Variants in FRMD4A observed in about 807,000 individuals in gnomAD.
FRMD4A encodes FERM domain containing 4A.
Under a neutral mutation model 129.1 loss-of-function variants are expected in FRMD4A, and 29 were observed. The observed-to-expected ratio is 0.22, with a 90% CI of 0.17 to 0.31. The LOEUF (loss-of-function observed/expected upper bound fraction) is 0.31, where lower values mean the gene tolerates loss of function less well. Among genes scored for constraint, FRMD4A ranks in the 10% least tolerant of loss-of-function variants. FRMD4A has a pLI of 1.00. For synonymous variants in FRMD4A, 634 were observed against 571.6 expected, an observed-to-expected ratio of 1.11 and a Z score of -1.56; for missense variants, 1,272 against 1,375.8, an observed-to-expected ratio of 0.92 and a Z score of 1.19.
At chr10:14,091,421 T>A (rs1250019563) in intron 2 of FRMD4A, among the ~76,000 whole-genome samples, 1 of 151,702 alleles carries the variant, frequency 6.6e-6, no homozygotes, top group Non-Finnish European at 1.5e-5. Flanking sequence ...CATTCTTAGT[T>A]TTTTGGTTTT....
intron 2 of FRMD4A, among the ~76,000 whole-genome samples, chr10:14,256,024 TTTG>T (rs1428340663): frequency 7.0e-6 from 1 of 142,074 alleles, no homozygotes; most frequent in East Asian, 2.0e-4. Context: ...AAAAAAAAAA[TTTG>T]TTGCCAAAAG....
intron 2 of FRMD4A, among the ~76,000 whole-genome samples, chr10:14,220,335 A>G (rs1843207445): frequency 6.6e-6 from 1 of 152,192 alleles, no homozygotes; most frequent in Non-Finnish European, 1.5e-5. Flanking sequence ...CAATATGACT[A>G]ATTTGTCATG....
intron 13 of FRMD4A, among the ~76,000 whole-genome samples, chr10:13,702,860 T>C (rs568653328): frequency 6.7e-6 from 1 of 149,244 alleles, no homozygotes; most frequent in African/African-American, 2.5e-5. Context: ...CGGTGGTTAA[T>C]GTTACTGAGT....
At chr10:13,887,316 ACTTCCAT>A (rs1396217569) in intron 2 of FRMD4A, among the ~76,000 whole-genome samples, 3 of 152,196 alleles carry the variant, frequency 2.0e-5, no homozygotes, top group Admixed American at 1.3e-4. Flanking sequence ...CTTAGCAGTG[ACTTCCAT>A]CTTCAAGTGG....
intron 2 of FRMD4A, among the ~76,000 whole-genome samples, chr10:13,946,028 T>C (rs1018043497): frequency 6.6e-6 from 1 of 152,186 alleles, no homozygotes; most frequent in African/African-American, 2.4e-5. Flanking sequence ...AGCACGTAGT[T>C]AGGGAAGTAA....
At chr10:13,762,546 G>T in intron 7 of FRMD4A, 78 bp downstream of exon 7, 1 of 821,610 alleles carries the variant, frequency 1.2e-6, no homozygotes, top group Non-Finnish European at 2.1e-6. Context: ...TACAGCTACT[G>T]GCTATGCCTG....
In FRMD4A at chr10:13,782,902, G is replaced by C. The variant is rs750976357; in HGVS notation, c.384+20C>G. 2.9e-5 allele frequency: 32 copies of C among 1,094,540 alleles called. No homozygotes were observed. Among genetic ancestry groups the C allele is most frequent in the Non-Finnish European group, 4.5e-5 (32 of 705,168 alleles). 67.8% of individuals were successfully genotyped at this position (1,094,540 alleles called of 1,614,324 possible). On this transcript the variant is annotated intron_variant, in intron 6 of 24. Coordinates refer to ENST00000357447, the MANE Select transcript of FRMD4A (RefSeq NM_018027.5). ...TACTTTCAGGTTTCAGAGGGAAATTGAGGGAGAGGGAGTTCCTACCTTGTA... is the reference window on the plus strand; with the variant it reads ...TACTTTCAGGTTTCAGAGGGAAATTCAGGGAGAGGGAGTTCCTACCTTGTA...
At chr10:14,294,907 T>A (rs564535524) in intron 2 of FRMD4A, among the ~76,000 whole-genome samples, 1 of 152,300 alleles carries the variant, frequency 6.6e-6, no homozygotes, top group South Asian at 2.1e-4. Flanking sequence ...CACGTCTCCT[T>A]TACAGTCTCA....
chr10:13,928,264 C>T (rs898549670), intron 2 of FRMD4A, among the ~76,000 whole-genome samples: 9 of 152,018 alleles, frequency 5.9e-5, no homozygotes, highest in South Asian at 2.1e-4. Context: ...TCAAGCAATC[C>T]GCTCACCTCG....
At chr10:14,014,117 C>T (rs560870678) in intron 2 of FRMD4A, among the ~76,000 whole-genome samples, 150 of 152,196 alleles carry the variant, frequency 9.9e-4, no homozygotes, top group African/African-American at 3.4e-3. Context: ...GAGACACACA[C>T]CCATGGTTCC....
Position 14,156,317 on chromosome 10 carries a change from T to A in FRMD4A, c.45+173741A>T, listed in dbSNP as rs540773908. ...ACCCACGATGAATTAATTACAATAA[T>A]ACACACCCATTTTGAATGAGTTATA... On this transcript the variant is annotated intron_variant, in intron 2 of 24. Coordinates refer to ENST00000357447, the MANE Select transcript of FRMD4A (RefSeq NM_018027.5). Among the ~76,000 whole-genome samples, 4 of 152,232 alleles carry A rather than the reference T, an allele frequency of 2.6e-5. No individual in the cohort carries two copies. In the East Asian group the frequency reaches 7.7e-4, roughly 29 times the overall value.
At chr10:13,804,510 A>G (rs780411725) in intron 4 of FRMD4A, among the ~76,000 whole-genome samples, 2 of 141,182 alleles carry the variant, frequency 1.4e-5, no homozygotes, top group Non-Finnish European at 3.1e-5. Flanking sequence ...TGCATCTTCA[A>G]TGAGTCAGGA....
intron 2 of FRMD4A, among the ~76,000 whole-genome samples, chr10:13,935,874 A>G (rs2095245351): frequency 6.6e-6 from 1 of 152,048 alleles, no homozygotes. Flanking sequence ...ACTCAAACCC[A>G]AGTCTGTCTA....
At chr10:14,163,169 A>G (rs925031496) in intron 2 of FRMD4A, among the ~76,000 whole-genome samples, 1 of 152,264 alleles carries the variant, frequency 6.6e-6, no homozygotes, top group African/African-American at 2.4e-5. Context: ...GTTGAGTTTC[A>G]TGGTATCCTA....
chr10:13,799,942 G>C (rs2093215983), intron 4 of FRMD4A, among the ~76,000 whole-genome samples: 1 of 152,248 alleles, frequency 6.6e-6, no homozygotes, highest in East Asian at 1.9e-4. Context: ...CACTTTGGGA[G>C]GCTGAGGCAG....
intron 2 of FRMD4A, among the ~76,000 whole-genome samples, chr10:13,891,914 C>A (rs1285748437): frequency 2.0e-5 from 3 of 147,642 alleles, no homozygotes; most frequent in Non-Finnish European, 4.5e-5. Flanking sequence ...GTGCGCCCAG[C>A]GCGCCCCGAG....
intron 12 of FRMD4A, among the ~76,000 whole-genome samples, chr10:13,713,611 G>A (rs2088264058): frequency 6.6e-6 from 1 of 151,680 alleles, no homozygotes; most frequent in Non-Finnish European, 1.5e-5. Flanking sequence ...GCAAAAGAAA[G>A]GAGTCACTGA....
At chr10:14,329,398 C>A (rs1248471244) in intron 2 of FRMD4A, among the ~76,000 whole-genome samples, 1 of 152,162 alleles carries the variant, frequency 6.6e-6, no homozygotes, top group African/African-American at 2.4e-5. Flanking sequence ...TCCTTGTGTG[C>A]TTTAATATGG....
At chr10:14,164,411 C>T (rs1841065181) in intron 2 of FRMD4A, among the ~76,000 whole-genome samples, 1 of 152,222 alleles carries the variant, frequency 6.6e-6, no homozygotes, top group Non-Finnish European at 1.5e-5. Context: ...GCATCCCAGG[C>T]AACCCGGAAG....
Sources: gnomAD v4.1 joint callset for allele counts (sites outside exome capture counted in the v4.1 genomes callset) on GRCh38, gnomAD v4.1.1 for gene constraint, MANE v1.5 for transcripts, NCBI Gene and HGNC (gene_info 2026-07-23, HGNC 2026-07-21) for gene names.